The following RBFOX1 variants were observed in gnomAD, a reference collection of about 807,000 sequenced individuals.
RBFOX1 encodes RNA binding protein fox-1 homolog 1.
A neutral mutation model predicts 57.7 loss-of-function variants in RBFOX1; 8 were observed. The ratio of observed to expected loss-of-function variants is 0.14; its 90% CI spans 0.08 to 0.25. RBFOX1 has a LOEUF of 0.25. RBFOX1 is among the 10% of genes least tolerant of loss of function. RBFOX1 has a pLI of 1.00. For synonymous variants in RBFOX1, 326 were observed against 222.4 expected, an observed-to-expected ratio of 1.47 and a Z score of -4.15; for missense variants, 611 against 548.5, an observed-to-expected ratio of 1.11 and a Z score of -1.14.
chr16:6,821,878 C>T (rs746842248), intron 3 of RBFOX1, among the ~76,000 whole-genome samples: 10 of 152,084 alleles, frequency 6.6e-5, no homozygotes, highest in Non-Finnish European at 1.5e-4. Flanking sequence ...GGGTATATAC[C>T]TAGGCATGAA....
At chr16:5,888,430 A>T (rs1407924795) in intron 4 of RBFOX1, among the ~76,000 whole-genome samples, 2 of 152,086 alleles carry the variant, frequency 1.3e-5, no homozygotes, top group East Asian at 3.9e-4. Context: ...GTTCCCTGAG[A>T]GTCTAAGTCA....
intron 3 of RBFOX1, among the ~76,000 whole-genome samples, chr16:6,770,588 C>G (rs541434257): frequency 5.4e-5 from 8 of 147,022 alleles, no homozygotes; most frequent in Non-Finnish European, 1.0e-4. Context: ...CAAGGTGTTC[C>G]CTGTTCAATT....
chr16:6,184,097 C>T (rs1426624786), intron 1 of RBFOX1, among the ~76,000 whole-genome samples: 1 of 152,082 alleles, frequency 6.6e-6, no homozygotes, highest in East Asian at 1.9e-4. Flanking sequence ...AGGGATTTCC[C>T]CTTATAAAAC....
intron 1 of RBFOX1, among the ~76,000 whole-genome samples, chr16:5,347,742 C>T (rs1025495715): frequency 6.7e-6 from 1 of 149,790 alleles, no homozygotes; most frequent in Non-Finnish European, 1.5e-5. Context: ...CCACCCCTGC[C>T]CACCCGTCAA....
At chr16:6,618,586 G>C (rs998892828) in intron 2 of RBFOX1, among the ~76,000 whole-genome samples, 2 of 152,206 alleles carry the variant, frequency 1.3e-5, no homozygotes, top group African/African-American at 4.8e-5. Flanking sequence ...GTTTCGAGGA[G>C]GAGAGAATCA....
chr16:6,985,799 A>G (rs915760545), intron 3 of RBFOX1, among the ~76,000 whole-genome samples: 6 of 133,298 alleles, frequency 4.5e-5, no homozygotes, highest in East Asian at 2.4e-4. Flanking sequence ...GTGCTACTGC[A>G]CTCCGGCCTG....
chr16:6,456,688 G>T (rs2094782236), intron 2 of RBFOX1, among the ~76,000 whole-genome samples: 1 of 152,156 alleles, frequency 6.6e-6, no homozygotes, highest in Non-Finnish European at 1.5e-5. Flanking sequence ...GCAGGCTGAT[G>T]GGCACTTTGG....
chr16:7,599,381 C>T (rs750815506), intron 9 of RBFOX1, among the ~76,000 whole-genome samples: 8 of 152,182 alleles, frequency 5.3e-5, no homozygotes, highest in South Asian at 2.1e-4. Flanking sequence ...ATTTCATAAG[C>T]CATGTGCATG....
intron 4 of RBFOX1, among the ~76,000 whole-genome samples, chr16:5,962,201 T>C (rs939628580): frequency 6.6e-6 from 1 of 152,214 alleles, no homozygotes; most frequent in Non-Finnish European, 1.5e-5. Context: ...CAAAACATAG[T>C]CACATTCACT....
chr16:6,956,877 A>G (rs2081960121), intron 3 of RBFOX1, among the ~76,000 whole-genome samples: 1 of 151,956 alleles, frequency 6.6e-6, no homozygotes. Context: ...TTCTTTCCTC[A>G]TTTGTCTGGC....
At chr16:5,549,585 A>G (rs1367085450) in intron 2 of RBFOX1, among the ~76,000 whole-genome samples, 1 of 152,232 alleles carries the variant, frequency 6.6e-6, no homozygotes, top group Non-Finnish European at 1.5e-5. Flanking sequence ...ACTTGACTAT[A>G]CTATGCAGAA....
intron 2 of RBFOX1, among the ~76,000 whole-genome samples, chr16:6,424,787 C>G (rs1034531395): frequency 6.6e-6 from 1 of 152,104 alleles, no homozygotes; most frequent in Non-Finnish European, 1.5e-5. Context: ...AATGACGTTG[C>G]AACCATGGTA....
intron 3 of RBFOX1, among the ~76,000 whole-genome samples, chr16:6,930,328 C>T (rs892486275): frequency 1.3e-5 from 2 of 152,152 alleles, no homozygotes; most frequent in Non-Finnish European, 2.9e-5. Flanking sequence ...TAAGAAGATA[C>T]CTAACATCAC....
chr16:5,618,470 T>TG (rs1304120198), intron 3 of RBFOX1, among the ~76,000 whole-genome samples: 1 of 152,122 alleles, frequency 6.6e-6, no homozygotes, highest in African/African-American at 2.4e-5. Flanking sequence ...CCCAAGTAGC[T>TG]GGGACTACAG....
chr16:6,762,535 C>A (rs192470589), intron 3 of RBFOX1, among the ~76,000 whole-genome samples: 1 of 152,078 alleles, frequency 6.6e-6, no homozygotes, highest in Admixed American at 6.5e-5. Flanking sequence ...TATACGCCCA[C>A]GGTCGTTATG....
intron 3 of RBFOX1, among the ~76,000 whole-genome samples, chr16:5,640,895 A>G (rs926203349): frequency 3.4e-5 from 5 of 149,228 alleles, no homozygotes; most frequent in African/African-American, 5.0e-5. Context: ...ATGCAAACCT[A>G]TGCACATACA....
Position 7,141,037 on chromosome 16 carries a change from C to A in RBFOX1, c.27+88939C>A, listed in dbSNP as rs555635605. On this transcript the variant is annotated intron_variant, in intron 4 of 15. Coordinates refer to ENST00000550418, the MANE Select transcript of RBFOX1 (RefSeq NM_018723.4). ...CTCCTCCAGCTTTGCAGAGCTCTGC[C>A]AGGAAGCCACCCTCAGCAAACCAGG... Among the ~76,000 whole-genome samples, 8 of 152,216 alleles carry A rather than the reference C, an allele frequency of 5.3e-5. No individual in the cohort carries two copies. The East Asian group carries it at 1.4e-3, about 26-fold the overall frequency.
Position 5,676,875 on chromosome 16 carries a change from G to T in RBFOX1, c.318+77914G>T, listed in dbSNP as rs80144454. The stretch of plus-strand genomic sequence containing the variant: ...AGACTCCACCTCAAAAAAAAAAAGT[G>T]CTCAGAACAGTGCCTGGGCACATAG... On this transcript the variant is annotated intron_variant, in intron 3 of 19. Transcript: ENST00000641259. Among the ~76,000 whole-genome samples, 1,275 of 151,926 alleles carry T rather than the reference G, an allele frequency of 8.4e-3. 14 individuals are homozygous for T. The highest frequency in any genetic ancestry group is 0.028 in the African/African-American group (1,180 of 41,478).
At chr16:7,195,715 G>A (rs1252079336) in intron 4 of RBFOX1, among the ~76,000 whole-genome samples, 2 of 151,986 alleles carry the variant, frequency 1.3e-5, no homozygotes, top group Non-Finnish European at 2.9e-5. Context: ...ACCACACTTG[G>A]CTAATTTTTG....
Sources: allele counts gnomAD v4.1 joint callset (sites outside exome capture counted in the v4.1 genomes callset), GRCh38; gene constraint gnomAD v4.1.1; transcripts MANE v1.5; gene names NCBI Gene and HGNC (gene_info 2026-07-23, HGNC 2026-07-21).